GLCCI1: variants seen among roughly 807,000 people sequenced by gnomAD.
GLCCI1 encodes glucocorticoid induced 1, also known as glucocorticoid-induced transcript 1 protein.
In GLCCI1, 24 loss-of-function variants were observed where a neutral mutation model predicts 52.2. The observed-to-expected ratio is 0.46, with a 90% CI of 0.33 to 0.65. The LOEUF is 0.65. GLCCI1 is among the 30% of genes least tolerant of loss of function. GLCCI1 has a pLI of 0.02. For missense variants in GLCCI1, 704 were observed against 701.5 expected (o/e 1.00, Z -0.04); for synonymous variants, 310 against 276.5 (o/e 1.12, Z -1.20).
intron 3 of GLCCI1, among the ~76,000 whole-genome samples, chr7:8,038,890 C>G (rs527579945): frequency 1.3e-5 from 2 of 152,060 alleles, no homozygotes; most frequent in African/African-American, 4.8e-5. Flanking sequence ...ACAGAATCTA[C>G]AAGGAAGTCA....
At chr7:7,977,794 T>C (rs1780525967) in intron 1 of GLCCI1, among the ~76,000 whole-genome samples, 1 of 152,240 alleles carries the variant, frequency 6.6e-6, no homozygotes, top group Non-Finnish European at 1.5e-5. Context: ...TAAGGTACTT[T>C]TATTAACCTC....
intron 3 of GLCCI1, among the ~76,000 whole-genome samples, chr7:8,044,037 C>G (rs896594824): frequency 6.6e-6 from 1 of 151,622 alleles, no homozygotes; most frequent in East Asian, 1.9e-4. Context: ...CTCCGCCTCC[C>G]GGGTTCACAC....
At chr7:8,060,295 G>T (rs199747622) in intron 5 of GLCCI1, 47 bp downstream of exon 5, 4 of 1,454,860 alleles carry the variant, frequency 2.7e-6, no homozygotes, top group Non-Finnish European at 3.8e-6. Flanking sequence ...CTGATATAAC[G>T]AACTGTCTGA....
chr7:8,032,149 C>G (rs762174161), intron 3 of GLCCI1, among the ~76,000 whole-genome samples: 5 of 151,750 alleles, frequency 3.3e-5, no homozygotes, highest in Non-Finnish European at 5.9e-5. Context: ...TTAGAAAATC[C>G]CAAATATTTG....
At chr7:8,078,413 T>C (rs1205085570) in intron 6 of GLCCI1, among the ~76,000 whole-genome samples, 1 of 152,104 alleles carries the variant, frequency 6.6e-6, no homozygotes, top group Non-Finnish European at 1.5e-5. Context: ...AGTCTTGTGA[T>C]TTTCAAACTT....
At chr7:8,018,846 C>T (rs1168037564) in intron 2 of GLCCI1, among the ~76,000 whole-genome samples, 2 of 152,052 alleles carry the variant, frequency 1.3e-5, no homozygotes, top group Non-Finnish European at 2.9e-5. Flanking sequence ...TTTTTGTCTA[C>T]TCCTTTTAAC....
intron 3 of GLCCI1, among the ~76,000 whole-genome samples, chr7:8,028,903 G>T (rs1273549152): frequency 1.3e-5 from 2 of 152,092 alleles, no homozygotes; most frequent in Non-Finnish European, 2.9e-5. Context: ...ACAGAATCAT[G>T]AAGAAATCCA....
At chr7:8,025,079 G>A (rs1199581636) in intron 3 of GLCCI1, among the ~76,000 whole-genome samples, 1 of 152,216 alleles carries the variant, frequency 6.6e-6, no homozygotes, top group African/African-American at 2.4e-5. Flanking sequence ...GAGTTTAATA[G>A]AAAGTTTTGA....
chr7:7,982,896 AGTGCTTGATCAT>A lies in GLCCI1; in HGVS notation c.457+13095_457+13106del, dbSNP rs1780650358. ...TGAACATTGTCTGTCTAGGAGTTATAGTGCTTGATCATGTGCTATGAGTATCTTCATTTGTAT... is the reference window on the plus strand; with the variant it reads ...TGAACATTGTCTGTCTAGGAGTTATAGTGCTATGAGTATCTTCATTTGTAT... On this transcript the variant is annotated intron_variant, in intron 1 of 7. Coordinates refer to ENST00000223145, the MANE Select transcript of GLCCI1 (RefSeq NM_138426.4). Among the ~76,000 whole-genome samples the A allele has an allele frequency of 4.6e-5, 7 of 152,248 alleles. 1 individual carries two copies. The South Asian group carries it at 1.4e-3, about 32-fold the overall frequency.
At chr7:8,084,552 A>G (rs147087576) in intron 6 of GLCCI1, 298 of 181,036 alleles carry the variant, frequency 1.6e-3, no homozygotes, top group African/African-American at 6.7e-3. Context: ...AATCTGTTTT[A>G]TTCTTCTGTG....
At chr7:8,041,021 C>T (rs1433476642) in intron 3 of GLCCI1, among the ~76,000 whole-genome samples, 1 of 152,104 alleles carries the variant, frequency 6.6e-6, no homozygotes, top group Non-Finnish European at 1.5e-5. Flanking sequence ...GTGAGGAAGG[C>T]AAGTAAAAAG....
chr7:8,084,604 C>T (rs750972660), intron 6 of GLCCI1: 11 of 232,008 alleles, frequency 4.7e-5, no homozygotes, highest in South Asian at 2.5e-4. Context: ...TCTTGAAATA[C>T]GTAATAAATA....
At position 8,071,016 on chromosome 7, in the gene GLCCI1, G is replaced by C; in HGVS notation, c.1062G>C (p.Gln354His). ...RSIDTQTPSVQERSSSCSSHS... is the reference protein window; with the variant it reads ...RSIDTQTPSVHERSSSCSSHS... The stretch of plus-strand genomic sequence containing the variant: ...TTGACACTCAGACTCCTTCTGTCCA[G>C]GAGCGCAGCAGTAGCTGCAGCAGTC... The change falls in exon 6 of 8, where the codon CAG (glutamine) becomes CAC (histidine). Residue 354 changes from glutamine to histidine, a missense_variant. Coordinates refer to ENST00000223145, the MANE Select transcript of GLCCI1 (RefSeq NM_138426.4). 1.9e-6 allele frequency: 3 copies of C among 1,614,094 alleles called. No individual in the cohort carries two copies. Among genetic ancestry groups the C allele is most frequent in the Non-Finnish European group, 2.5e-6 (3 of 1,179,996 alleles).
rs61377819 is a variant in GLCCI1, at chr7:8,061,657, C to CTTTTTTT, written c.966+1430_966+1436dup. ...TGGCATCTCTGTTTACCATTGAACT[C>CTTTTTTT]TTTTTTTTTTTTTTTTTTTTTTTTT... On this transcript the variant is annotated intron_variant, in intron 5 of 7. Coordinates refer to ENST00000223145, the MANE Select transcript of GLCCI1 (RefSeq NM_138426.4). Among the ~76,000 whole-genome samples the CTTTTTTT allele has an allele frequency of 1.9e-4, 15 of 78,380 alleles. 1 individual carries two copies. Among genetic ancestry groups the CTTTTTTT allele is most frequent in the East Asian group, 8.4e-4 (2 of 2,388 alleles). 51.4% of individuals were successfully genotyped at this position (78,380 alleles called of 152,430 possible). A position where few individuals can be genotyped will look rare whatever the true frequency, so the allele number is the denominator to read the frequency against.
At chr7:8,058,950 G>T (rs1357766553) in intron 4 of GLCCI1, among the ~76,000 whole-genome samples, 2 of 152,128 alleles carry the variant, frequency 1.3e-5, no homozygotes, top group Non-Finnish European at 2.9e-5. Context: ...AAAAGAAATG[G>T]TCATTAATAA....
chr7:7,971,373 T>C (rs1269103557), intron 1 of GLCCI1, among the ~76,000 whole-genome samples: 1 of 152,250 alleles, frequency 6.6e-6, no homozygotes, highest in Non-Finnish European at 1.5e-5. Context: ...CTTTGCACAT[T>C]TTCTAGAACT....
chr7:7,975,852 G>A (rs1583937898), intron 1 of GLCCI1, among the ~76,000 whole-genome samples: 1 of 152,202 alleles, frequency 6.6e-6, no homozygotes, highest in South Asian at 2.1e-4. Context: ...GAACATGATT[G>A]TATCTGGGCT....
intron 3 of GLCCI1, among the ~76,000 whole-genome samples, chr7:8,049,369 C>G (rs1782206274): frequency 6.6e-6 from 1 of 152,034 alleles, no homozygotes; most frequent in Non-Finnish European, 1.5e-5. Flanking sequence ...AATGGTTTTT[C>G]TGGACCTACA....
At chr7:7,980,050 G>A (rs1035389674) in intron 1 of GLCCI1, among the ~76,000 whole-genome samples, 1 of 152,086 alleles carries the variant, frequency 6.6e-6, no homozygotes, top group African/African-American at 2.4e-5. Context: ...CCAAATAGCT[G>A]GGACCATGGG....
Sources: allele counts gnomAD v4.1 joint callset (sites outside exome capture counted in the v4.1 genomes callset), GRCh38; gene constraint gnomAD v4.1.1; transcripts MANE v1.5; gene names NCBI Gene and HGNC (gene_info 2026-07-23, HGNC 2026-07-21).